The following IQSEC1 variants were observed in gnomAD, a reference collection of about 807,000 sequenced individuals.
The protein encoded by IQSEC1 is IQ motif and Sec7 domain ArfGEF 1.
Under a neutral mutation model 91.0 loss-of-function variants are expected in IQSEC1, and 31 were observed. The ratio of observed to expected loss-of-function variants is 0.34; its 90% CI spans 0.26 to 0.46. The LOEUF is 0.46. Ranked by LOEUF, IQSEC1 falls within the 20% of genes least tolerant of loss-of-function variation. The probability of loss-of-function intolerance (pLI) is 1.00; values close to 1 mark genes in which losing one functional copy is unlikely to be tolerated. For synonymous variants in IQSEC1, 699 were observed against 662.6 expected (o/e 1.05, Z -0.84); for missense variants, 1,388 against 1,575.6 (o/e 0.88, Z 2.02).
In IQSEC1 at chr3:13,162,068, C is replaced by T. The variant is rs116624966; in HGVS notation, c.302+2036G>A. 5.9e-3 allele frequency among the ~76,000 whole-genome samples: 903 copies of T among 152,300 alleles called. 13 individuals are homozygous for T. Among genetic ancestry groups the T allele is most frequent in the African/African-American group, 0.021 (863 of 41,556 alleles). On this transcript the variant is annotated intron_variant, in intron 2 of 15. Coordinates refer to the IQSEC1 transcript ENST00000648114. ...TGATCCGCTGGAGTGAACACCAGGC[C>T]GGGTGGGGCTGGGGCAGACCAGATC...
In IQSEC1 at chr3:12,915,971, C is replaced by A. The variant is rs115790311; in HGVS notation, c.2021-238G>T. On this transcript the variant is annotated intron_variant, in intron 6 of 13. Transcript: ENST00000613206. ...AGGCGATGGGTGTCAGGGGCTGAGC[C>A]ACCTCTAAGCCATTTTCAGAGGGCT... Among the ~76,000 whole-genome samples, 487 of 152,278 alleles carry A rather than the reference C, an allele frequency of 3.2e-3. 1 individual carries two copies. The highest frequency in any genetic ancestry group is 0.011 in the African/African-American group (464 of 41,530).
At chr3:13,129,814 C>T (rs140267281) in intron 2 of IQSEC1, among the ~76,000 whole-genome samples, 145 of 151,880 alleles carry the variant, frequency 9.5e-4, no homozygotes, top group African/African-American at 3.4e-3. Context: ...CCCAACACCA[C>T]GCCCGGCTAG....
rs370534423 is a variant in IQSEC1, at chr3:13,026,864, G to GCTTTTTTTTTTT, written c.23+46127_23+46128insAAAAAAAAAAAG. On this transcript the variant is annotated intron_variant, in intron 1 of 13. Transcript: ENST00000613206. ...TGAAGTAGCAGTTATTATCTCCCCAGTTTTTTTTTTTTTTGTTTGTTTTTT... is the reference window on the plus strand; with the variant it reads ...TGAAGTAGCAGTTATTATCTCCCCAGCTTTTTTTTTTTTTTTTTTTTTTTTTGTTTGTTTTTT... Among the ~76,000 whole-genome samples, 9 of 90,862 alleles carry GCTTTTTTTTTTT rather than the reference G, an allele frequency of 9.9e-5. 3 individuals are homozygous for GCTTTTTTTTTTT. Among genetic ancestry groups the GCTTTTTTTTTTT allele is most frequent in the Non-Finnish European group, 2.5e-5 (1 of 40,730 alleles). The allele number at this position is 90,862 out of a possible 152,430, so 59.6% of individuals were successfully genotyped here. A position where few individuals can be genotyped will look rare whatever the true frequency, so the allele number is the denominator to read the frequency against.
At chr3:13,221,721 T>C (rs1038098745) in intron 1 of IQSEC1, among the ~76,000 whole-genome samples, 1 of 152,250 alleles carries the variant, frequency 6.6e-6, no homozygotes, top group African/African-American at 2.4e-5. Flanking sequence ...GCTCCATGAC[T>C]GTATCACAGA....
At chr3:13,091,545 G>A (rs1358310659) in intron 2 of IQSEC1, among the ~76,000 whole-genome samples, 5 of 151,378 alleles carry the variant, frequency 3.3e-5, no homozygotes, top group African/African-American at 1.2e-4. Flanking sequence ...TGCCCTCCCT[G>A]AGCACAGCCC....
chr3:12,967,666 C>A lies in IQSEC1; in HGVS notation c.24-25801G>T. 2 of 1,177,868 alleles carry A rather than the reference C, an allele frequency of 1.7e-6. No individual in the cohort carries two copies. The highest frequency in any genetic ancestry group is 2.1e-6 in the Non-Finnish European group (2 of 954,590). 73.0% of individuals were successfully genotyped at this position (1,177,868 alleles called of 1,614,324 possible). A position where few individuals can be genotyped will look rare whatever the true frequency, so the allele number is the denominator to read the frequency against. Reference sequence around the variant, plus strand: ...GTCCGAGCCCCAGGCCAGCCAAGCCCGCCCCTCCGCCGCCGCCCGCTTGGC... The same window carrying A: ...GTCCGAGCCCCAGGCCAGCCAAGCCAGCCCCTCCGCCGCCGCCCGCTTGGC... On this transcript the variant is annotated intron_variant, in intron 1 of 13. Coordinates refer to ENST00000613206, the MANE Select transcript of IQSEC1 (RefSeq NM_001134382.3). This position sits in a 1 kb window ranked among gnomAD's most constrained non-coding sequence, Gnocchi z 5.9.
chr3:13,027,826 G>C (rs1468913762), intron 1 of IQSEC1, among the ~76,000 whole-genome samples: 1 of 152,150 alleles, frequency 6.6e-6, no homozygotes, highest in African/African-American at 2.4e-5. Context: ...GTAGGAATAA[G>C]GGCTCTGATT....
At chr3:13,173,190 T>A (rs1307576654) in intron 1 of IQSEC1, among the ~76,000 whole-genome samples, 1 of 152,224 alleles carries the variant, frequency 6.6e-6, no homozygotes, top group Non-Finnish European at 1.5e-5. Flanking sequence ...GATCAAGCAG[T>A]CACCTTGACA....
chr3:12,956,782 C>T (rs1046760240), intron 1 of IQSEC1, among the ~76,000 whole-genome samples: 1 of 152,180 alleles, frequency 6.6e-6, no homozygotes, highest in Admixed American at 6.5e-5. Flanking sequence ...ATCGGGAGAC[C>T]AGGTCTCTCT....
intron 1 of IQSEC1, among the ~76,000 whole-genome samples, chr3:12,971,100 C>A (rs371717575): frequency 6.6e-6 from 1 of 152,230 alleles, no homozygotes; most frequent in Admixed American, 6.5e-5. Context: ...TAAACAGTTA[C>A]AACAGACACA....
chr3:13,005,334 G>T (rs1301969056), intron 1 of IQSEC1, among the ~76,000 whole-genome samples: 1 of 152,126 alleles, frequency 6.6e-6, no homozygotes, highest in African/African-American at 2.4e-5. Flanking sequence ...GCAGCCCAGG[G>T]CTCCCTGCTC....
intron 1 of IQSEC1, among the ~76,000 whole-genome samples, chr3:13,246,025 C>T (rs893927506): frequency 3.3e-5 from 5 of 152,144 alleles, no homozygotes; most frequent in Admixed American, 6.5e-5. Flanking sequence ...CCACTTGAAA[C>T]GGTGATGTGA....
At position 13,104,559 on chromosome 3, in the gene IQSEC1, C is replaced by A. The variant is rs150185978; in HGVS notation, c.303-57037G>T. On this transcript the variant is annotated intron_variant, in intron 2 of 15. Transcript: ENST00000648114. ...GACCCAGCACTCGGAACAGGGACCA[C>A]CTGGGTGCCATCCTCTTTCCCCTGT... Among the ~76,000 whole-genome samples, 48 of 152,292 alleles carry A rather than the reference C, an allele frequency of 3.2e-4. 1 individual carries two copies. In the East Asian group the frequency reaches 9.3e-3, roughly 29 times the overall value.
chr3:12,913,767 C>A, intron 8 of IQSEC1, among the ~76,000 whole-genome samples: 1 of 152,232 alleles, frequency 6.6e-6, no homozygotes, highest in East Asian at 1.9e-4. Flanking sequence ...TATTTAAAAT[C>A]CCGTATCTCT....
At chr3:13,125,057 C>T (rs1362367106) in intron 2 of IQSEC1, among the ~76,000 whole-genome samples, 1 of 152,170 alleles carries the variant, frequency 6.6e-6, no homozygotes, top group Non-Finnish European at 1.5e-5. Flanking sequence ...GACAGCACCA[C>T]CCTTCTGCCT....
intron 1 of IQSEC1, among the ~76,000 whole-genome samples, chr3:13,220,319 A>G (rs1694633641): frequency 6.6e-6 from 1 of 152,164 alleles, no homozygotes; most frequent in Non-Finnish European, 1.5e-5. Flanking sequence ...AGGGCCTGTG[A>G]CCAACATTGC....
At chr3:12,965,644 C>A (rs1424842636) in intron 1 of IQSEC1, among the ~76,000 whole-genome samples, 3 of 152,206 alleles carry the variant, frequency 2.0e-5, no homozygotes, top group African/African-American at 7.2e-5. Context: ...ACAGAAGGAT[C>A]CAAGCAGGCT....
At position 12,911,679 on chromosome 3, in the gene IQSEC1, C is replaced by T. The variant is rs994592360; in HGVS notation, c.2366G>A (p.Arg789Gln). Reference protein sequence around the residue: ...KKKNSVTYSFRQSFSLYGMQV... With the variant: ...KKKNSVTYSFQQSFSLYGMQV... ...CATGCCGTACAAGGAGAAGGACTGT[C>T]GGAAGCTGTACGTCACCGAGTTCTT... Residue 789 changes from arginine to glutamine, a missense_variant, in exon 10 of 14, where the codon CGA (arginine) becomes CAA (glutamine). By Grantham distance (43) the Arg-to-Gln change is conservative. Coordinates refer to ENST00000613206, the MANE Select transcript of IQSEC1 (RefSeq NM_001134382.3). 2 of 1,613,898 alleles carry T rather than the reference C, an allele frequency of 1.2e-6. No individual in the cohort carries two copies. Among genetic ancestry groups the T allele is most frequent in the Non-Finnish European group, 1.7e-6 (2 of 1,180,002 alleles).
rs943828455 is a variant in IQSEC1, at chr3:12,900,455, ATATATATATATATT to A, written c.*514_*527del. 4 of 707,100 alleles carry A rather than the reference ATATATATATATATT, an allele frequency of 5.7e-6. No individual in the cohort carries two copies. The highest frequency in any genetic ancestry group is 6.9e-6 in the Non-Finnish European group (4 of 578,772). The allele number at this position is 707,100 out of a possible 1,614,324, so 43.8% of individuals were successfully genotyped here. A position where few individuals can be genotyped will look rare whatever the true frequency, so the allele number is the denominator to read the frequency against. Reference sequence around the variant, plus strand: ...CACACAAGTACTACCTATACAGTATATATATATATATATTTATATATTTATATATTTATATAAAG... The same window carrying A: ...CACACAAGTACTACCTATACAGTATATATATATTTATATATTTATATAAAG... On this transcript the variant is annotated 3_prime_UTR_variant, in exon 14 of 14. Transcript: ENST00000613206.
Sources: gnomAD v4.1 joint callset for allele counts (sites outside exome capture counted in the v4.1 genomes callset) on GRCh38, gnomAD v4.1.1 for gene constraint, Gnocchi (gnomAD v3.1) non-coding constraint, MANE v1.5 for transcripts, NCBI Gene and HGNC (gene_info 2026-07-23, HGNC 2026-07-21) for gene names.